Variants in HMCN2 observed in about 807,000 individuals in gnomAD.
The protein encoded by HMCN2 is hemicentin-2.
Under a neutral mutation model 377.5 loss-of-function variants are expected in HMCN2, and 325 were observed. That is an observed-to-expected ratio of 0.86 (90% CI 0.79 to 0.94). The LOEUF is 0.94. Among genes scored for constraint, HMCN2 ranks in the 40% least tolerant of loss-of-function variants. The pLI is 0.00. For synonymous variants in HMCN2, 2,007 were observed against 2,046.8 expected (o/e 0.98, Z 0.53); for missense variants, 4,543 against 4,725.3 (o/e 0.96, Z 1.13).
chr9:130,386,036 T>C (rs900491666), intron 60 of HMCN2, among the ~76,000 whole-genome samples: 1 of 152,142 alleles, frequency 6.6e-6, no homozygotes, highest in Non-Finnish European at 1.5e-5. Flanking sequence ...TCTGGTCCGC[T>C]CCGGCTGACC....
At chr9:130,336,000 AC>A (rs1430314578) in intron 22 of HMCN2, among the ~76,000 whole-genome samples, 1 of 151,956 alleles carries the variant, frequency 6.6e-6, no homozygotes, top group Non-Finnish European at 1.5e-5. Flanking sequence ...TCTGATGAGA[AC>A]CCCTCCCTTG....
In HMCN2 at chr9:130,320,343, T is replaced by C. The variant is rs1397151376; in HGVS notation, c.2552-13T>C. The stretch of plus-strand genomic sequence containing the variant: ...GCCTTGGCAGTCACACCTGCCTCTC[T>C]CGTGCCCCTCAGGTGTGGCCCCAGA... On this transcript the variant is annotated splice_polypyrimidine_tract_variant and intron_variant, in intron 16 of 97. Transcript: ENST00000683500. 3 of 152,346 alleles carry C rather than the reference T, an allele frequency of 2.0e-5. No individual in the cohort carries two copies. Among genetic ancestry groups the C allele is most frequent in the Non-Finnish European group, 2.9e-5 (2 of 68,138 alleles). The allele number at this position is 152,346 out of a possible 1,614,324, so 9.4% of individuals were successfully genotyped here. A position where few individuals can be genotyped will look rare whatever the true frequency, so the allele number is the denominator to read the frequency against.
At chr9:130,287,076 C>T (rs1307549563) in intron 4 of HMCN2, among the ~76,000 whole-genome samples, 4 of 152,282 alleles carry the variant, frequency 2.6e-5, no homozygotes, top group South Asian at 2.1e-4. Context: ...GCTCCCACCT[C>T]GGCTGATTCC....
intron 19 of HMCN2, among the ~76,000 whole-genome samples, chr9:130,325,167 C>A (rs1392244937): frequency 1.3e-5 from 2 of 149,358 alleles, no homozygotes; most frequent in African/African-American, 4.9e-5. Context: ...GCAATCTCTG[C>A]TCACTGCAAC....
At chr9:130,419,096 TG>T (rs1475514525) in intron 86 of HMCN2, 55 bp downstream of exon 86, 8 of 1,438,962 alleles carry the variant, frequency 5.6e-6, no homozygotes, top group Non-Finnish European at 7.3e-6. Context: ...CTCTTGCCGA[TG>T]GGGATTGTGT....
Position 130,429,020 on chromosome 9 carries a change from G to A in HMCN2, c.14197+531G>A, listed in dbSNP as rs568387676. The A allele has an allele frequency of 2.8e-4, 50 of 178,398 alleles. No homozygotes were observed. The South Asian group carries it at 3.4e-3, about 12-fold the overall frequency. 11.1% of individuals were successfully genotyped at this position (178,398 alleles called of 1,614,324 possible). On this transcript the variant is annotated intron_variant, in intron 93 of 97. Transcript: ENST00000683500. Reference sequence around the variant, plus strand: ...ACCCGGCTCCTCTGAGAGACTGCACGGTGGAGAGGGAAGCATGGTGGAGCC... The same window carrying A: ...ACCCGGCTCCTCTGAGAGACTGCACAGTGGAGAGGGAAGCATGGTGGAGCC...
intron 44 of HMCN2, among the ~76,000 whole-genome samples, chr9:130,368,765 C>A (rs62580981): frequency 0.021 from 3,233 of 152,106 alleles, 53 homozygotes; most frequent in Non-Finnish European, 0.031. Flanking sequence ...GGGGGAAGCA[C>A]CAGACACTTA....
rs1554936956 is a variant in HMCN2 at position 130,306,813 on chromosome 9, TC to T, written c.1963del (p.His655MetfsTer8). On this transcript the variant is annotated frameshift_variant, in exon 13 of 98. Coordinates refer to ENST00000683500, the MANE Select transcript of HMCN2 (RefSeq NM_001291815.2). LOFTEE classifies it high-confidence loss of function. The part of the protein sequence containing the change: ...ESQALQEDSR[I>X]HVDAQGTLII... ...GTGTTTCTATGGCATGATTCTAGAA[TC>T]CATGTGGACGCACAGGGAACCCTGA... 2.1e-6 allele frequency: 1 copy of T among 467,128 alleles called. No homozygotes were observed. Among genetic ancestry groups the T allele is most frequent in the Non-Finnish European group, 4.5e-6 (1 of 224,558 alleles). 28.9% of individuals were successfully genotyped at this position (467,128 alleles called of 1,614,324 possible).
rs1270916326 is a variant in HMCN2 at position 130,331,112 on chromosome 9, C to G, written c.3359+3637C>G. On this transcript the variant is annotated intron_variant, in intron 22 of 97. Coordinates refer to ENST00000683500, the MANE Select transcript of HMCN2 (RefSeq NM_001291815.2). ...GGTGAAGGTTGCAGTGAGCCAAGAT[C>G]GTGCCATCGCACTCCATCCTTGCAA... is the stretch of plus-strand genomic sequence containing the variant. 4.6e-5 allele frequency among the ~76,000 whole-genome samples: 7 copies of G among 150,808 alleles called. No individual in the cohort carries two copies. The East Asian group carries it at 1.2e-3, about 25-fold the overall frequency.
At chr9:130,353,915 G>A (rs1424815860) in intron 31 of HMCN2, among the ~76,000 whole-genome samples, 2 of 152,102 alleles carry the variant, frequency 1.3e-5, no homozygotes, top group African/African-American at 2.4e-5. Flanking sequence ...CCCCCGTGGG[G>A]AGTCACTTTG....
chr9:130,285,564 G>C lies in HMCN2; in HGVS notation c.489+248G>C, dbSNP rs1240779250. Among the ~76,000 whole-genome samples the C allele has an allele frequency of 5.3e-5, 8 of 152,330 alleles. No individual in the cohort carries two copies. The East Asian group carries it at 1.5e-3, about 29-fold the overall frequency. On this transcript the variant is annotated intron_variant, in intron 3 of 97. Transcript: ENST00000683500. Reference sequence around the variant, plus strand: ...CACTTCCCTGGCGCAGCTTGTTCCTGTTGGAGACCATACCACCTACTCCTT... The same window carrying C: ...CACTTCCCTGGCGCAGCTTGTTCCTCTTGGAGACCATACCACCTACTCCTT...
At position 130,394,596 on chromosome 9, in the gene HMCN2, G is replaced by A; in HGVS notation, c.10692+21G>A. ...TGCAGGTACCAGTGCCGCCGCCATGGGGCGAGGCTGGGGGTTGGGGGAGAG... is the reference window on the plus strand; with the variant it reads ...TGCAGGTACCAGTGCCGCCGCCATGAGGCGAGGCTGGGGGTTGGGGGAGAG... On this transcript the variant is annotated intron_variant, in intron 69 of 97. Coordinates refer to ENST00000683500, the MANE Select transcript of HMCN2 (RefSeq NM_001291815.2). The surrounding 1 kb of genome is among the most constrained non-coding windows in gnomAD (Gnocchi z 5.1). 1 of 1,266,922 alleles carries A rather than the reference G, an allele frequency of 7.9e-7. No individual in the cohort carries two copies. The highest frequency in any genetic ancestry group is 1.0e-6 in the Non-Finnish European group (1 of 975,574). 78.5% of individuals were successfully genotyped at this position (1,266,922 alleles called of 1,614,324 possible).
Position 130,372,308 on chromosome 9 carries a change from AAG to A in HMCN2, c.7254_7255del (p.Lys2418AsnfsTer38). The A allele has an allele frequency of 1.0e-6, 1 of 985,870 alleles. No individual in the cohort carries two copies. Among genetic ancestry groups the A allele is most frequent in the Non-Finnish European group, 1.2e-6 (1 of 829,936 alleles). 61.1% of individuals were successfully genotyped at this position (985,870 alleles called of 1,614,324 possible). ...TYLLAGGWML[K>X]MTQTQEQDSG... is the part of the protein sequence containing the mutation. The stretch of plus-strand genomic sequence containing the variant: ...TCCCTCCCCAGGTGGCTGGATGCTG[AAG>A]ATGACTCAGACACAGGAGCAAGACA... On this transcript the variant is annotated frameshift_variant, in exon 47 of 98. Transcript: ENST00000683500. LOFTEE classifies it high-confidence loss of function.
chr9:130,397,418 G>A (rs1018811398), intron 73 of HMCN2, 110 bp from the exon 74 acceptor site: 112 of 1,058,486 alleles, frequency 1.1e-4, no homozygotes, highest in Non-Finnish European at 3.2e-5. Flanking sequence ...AACCATATCA[G>A]CATCCTCTCA....
rs571201413 is a variant in HMCN2 at position 130,360,345 on chromosome 9, C to G, written c.5774-83C>G. 3 of 775,090 alleles carry G rather than the reference C, an allele frequency of 3.9e-6. No individual in the cohort carries two copies. Among genetic ancestry groups the G allele is most frequent in the East Asian group, 8.7e-5 (1 of 11,514 alleles). 48.0% of individuals were successfully genotyped at this position (775,090 alleles called of 1,614,324 possible). A position where few individuals can be genotyped will look rare whatever the true frequency, so the allele number is the denominator to read the frequency against. On this transcript the variant is annotated intron_variant, in intron 37 of 97. Coordinates refer to ENST00000683500, the MANE Select transcript of HMCN2 (RefSeq NM_001291815.2). The surrounding 1 kb of genome is among the most constrained non-coding windows in gnomAD (Gnocchi z 4.7). Reference sequence around the variant, plus strand: ...CTCTTCCTTTCCCCCTTGCATCTCTCTTCCTTTCCCCCTTACTTCTCTCTT... The same window carrying G: ...CTCTTCCTTTCCCCCTTGCATCTCTGTTCCTTTCCCCCTTACTTCTCTCTT...
chr9:130,409,365 C>A (rs1416486755), intron 84 of HMCN2, among the ~76,000 whole-genome samples: 4 of 152,222 alleles, frequency 2.6e-5, no homozygotes, highest in Non-Finnish European at 4.4e-5. Context: ...GCCCCCACCC[C>A]CAGGTCTCCT....
chr9:130,389,458 C>A (rs1256822156), intron 62 of HMCN2, among the ~76,000 whole-genome samples: 1 of 152,160 alleles, frequency 6.6e-6, no homozygotes, highest in Non-Finnish European at 1.5e-5. Context: ...TGTGGATTGG[C>A]CTGTTCTGGG....
Position 130,310,065 on chromosome 9 carries a change from A to C in HMCN2, c.2350+4A>C, listed in dbSNP as rs782630248. ...GAAATCCAGCTGGCGGTTGGACGTGAGTGTATACCTTGTCTCCCCCTCCCC... is the reference window on the plus strand; with the variant it reads ...GAAATCCAGCTGGCGGTTGGACGTGCGTGTATACCTTGTCTCCCCCTCCCC... On this transcript the variant is annotated splice_donor_region_variant and intron_variant, in intron 15 of 97. Transcript: ENST00000683500. 14 of 525,496 alleles carry C rather than the reference A, an allele frequency of 2.7e-5. No individual in the cohort carries two copies. The African/African-American group carries it at 2.7e-4, about 10-fold the overall frequency. 32.6% of individuals were successfully genotyped at this position (525,496 alleles called of 1,614,324 possible). A position where few individuals can be genotyped will look rare whatever the true frequency, so the allele number is the denominator to read the frequency against.
intron 89 of HMCN2, 29 bp downstream of exon 89, chr9:130,425,159 A>T (rs2131813758): frequency 6.5e-7 from 1 of 1,526,804 alleles, no homozygotes; most frequent in East Asian, 2.5e-5. Flanking sequence ...GGGTGTGCAG[A>T]CAGGGTAGGT....
Sources: allele counts gnomAD v4.1 joint callset (sites outside exome capture counted in the v4.1 genomes callset), GRCh38; gene constraint gnomAD v4.1.1; non-coding constraint Gnocchi (gnomAD v3.1); transcripts MANE v1.5; gene names NCBI Gene and HGNC (gene_info 2026-07-23, HGNC 2026-07-21).